The following PCBP3 variants were observed in gnomAD, a reference collection of about 807,000 sequenced individuals.
The protein encoded by PCBP3 is poly(rC)-binding protein 3.
PCBP3 carries 25 observed loss-of-function variants against 52.7 expected under a neutral mutation model. That is an observed-to-expected ratio of 0.47 (90% CI 0.35 to 0.66). The LOEUF (loss-of-function observed/expected upper bound fraction) is 0.66, where lower values mean the gene tolerates loss of function less well. PCBP3 is among the 30% of genes least tolerant of loss of function. The probability of loss-of-function intolerance (pLI) is 0.01; values close to 1 mark genes in which losing one functional copy is unlikely to be tolerated. For synonymous variants in PCBP3, 162 were observed against 183.0 expected, an observed-to-expected ratio of 0.89 and a Z score of 0.93; for missense variants, 391 against 490.3, an observed-to-expected ratio of 0.80 and a Z score of 1.91.
intron 5 of PCBP3, among the ~76,000 whole-genome samples, chr21:45,891,102 C>T (rs1351560921): frequency 6.6e-6 from 1 of 151,858 alleles, no homozygotes; most frequent in Admixed American, 6.5e-5. Flanking sequence ...ACTTTGTTTA[C>T]TGCTGAAGGG....
Position 45,735,274 on chromosome 21 carries a change from A to G in PCBP3, c.-199-118A>G, listed in dbSNP as rs2085779229. On this transcript the variant is annotated intron_variant, in intron 2 of 17. Transcript: ENST00000681687. The surrounding 1 kb of genome is among the most constrained non-coding windows in gnomAD (Gnocchi z 4.0). The stretch of plus-strand genomic sequence containing the variant: ...ACTGATTTATAAACATGTCTTTTTA[A>G]TAGATGACTTTGGTTTGATAAAATT... 1 of 152,194 alleles carries G rather than the reference A, an allele frequency of 6.6e-6. No homozygotes were observed. The highest frequency in any genetic ancestry group is 1.5e-5 in the Non-Finnish European group (1 of 68,026). The allele number at this position is 152,194 out of a possible 1,614,324, so 9.4% of individuals were successfully genotyped here.
Position 45,929,372 on chromosome 21 carries a change from T to C in PCBP3, c.718-545T>C, listed in dbSNP as rs77916201. Among the ~76,000 whole-genome samples, 453 of 152,058 alleles carry C rather than the reference T, an allele frequency of 3.0e-3. 2 individuals are homozygous for C. The highest frequency in any genetic ancestry group is 0.01 in the African/African-American group (435 of 41,482). On this transcript the variant is annotated intron_variant, in intron 13 of 17. Coordinates refer to ENST00000681687, the MANE Select transcript of PCBP3 (RefSeq NM_001384156.1). ...GGCAGATGTGTGGCCCCTCAGGTGT[T>C]CCCCCCACCCCAGGTCACCTCATGG...
chr21:45,713,066 A>C (rs528499642), intron 2 of PCBP3, among the ~76,000 whole-genome samples: 1 of 152,126 alleles, frequency 6.6e-6, no homozygotes, highest in South Asian at 2.1e-4. Context: ...TGAACTATTA[A>C]TGCCTTTGCA....
In PCBP3 at chr21:45,819,105, C is replaced by T. The variant is rs560271437; in HGVS notation, c.-125-30856C>T. On this transcript the variant is annotated intron_variant, in intron 4 of 17. Transcript: ENST00000681687. ...TGGATGCGTGTCATTACACATTTGC[C>T]CAAACCACAGAGTACAGCACCGAGC... Among the ~76,000 whole-genome samples the T allele has an allele frequency of 3.3e-5, 5 of 152,250 alleles. No homozygotes were observed. In the South Asian group the frequency reaches 1.0e-3, roughly 32 times the overall value.
At chr21:45,690,177 C>G (rs1215204547) in intron 2 of PCBP3, among the ~76,000 whole-genome samples, 1 of 152,058 alleles carries the variant, frequency 6.6e-6, no homozygotes, top group Non-Finnish European at 1.5e-5. Context: ...AAAATAGACC[C>G]AAGCTTGTAT....
intron 2 of PCBP3, among the ~76,000 whole-genome samples, chr21:45,682,383 A>G (rs2081907827): frequency 6.6e-6 from 1 of 152,204 alleles, no homozygotes; most frequent in African/African-American, 2.4e-5. Flanking sequence ...AGGAATACAG[A>G]AAGCACATCT....
chr21:45,677,655 A>G (rs1011719702), intron 2 of PCBP3, among the ~76,000 whole-genome samples: 3 of 152,214 alleles, frequency 2.0e-5, no homozygotes, highest in Non-Finnish European at 2.9e-5. Flanking sequence ...CAAAGCTTTA[A>G]AGGACAGGCC....
chr21:45,802,393 G>T lies in PCBP3; in HGVS notation c.-126+46941G>T, dbSNP rs76664828. Among the ~76,000 whole-genome samples, 1,846 of 152,260 alleles carry T rather than the reference G, an allele frequency of 0.012. 57 individuals are homozygous for T. Among genetic ancestry groups the T allele is most frequent in the African/African-American group, 0.042 (1,730 of 41,546 alleles). On this transcript the variant is annotated intron_variant, in intron 4 of 17. Transcript: ENST00000681687. This position sits in a 1 kb window ranked among gnomAD's most constrained non-coding sequence, Gnocchi z 5.1. ...CTGATGGCATCACCTCCCTTCACTCGCCTCTTCTTAGCTTGTTCATTAAAA... is the reference window on the plus strand; with the variant it reads ...CTGATGGCATCACCTCCCTTCACTCTCCTCTTCTTAGCTTGTTCATTAAAA...
At chr21:45,756,886 T>A (rs2088103105) in intron 4 of PCBP3, among the ~76,000 whole-genome samples, 1 of 152,252 alleles carries the variant, frequency 6.6e-6, no homozygotes, top group African/African-American at 2.4e-5. Context: ...GGACCACATT[T>A]TGTTTATCCA....
rs775200240 is a variant in PCBP3, at chr21:45,929,947, C to G, written c.748C>G (p.Gln250Glu). 6.2e-7 allele frequency: 1 copy of G among 1,613,918 alleles called. No individual in the cohort carries two copies. Among genetic ancestry groups the G allele is most frequent in the South Asian group, 1.1e-5 (1 of 91,066 alleles). The part of the protein sequence containing the change: ...QLTKLHQLAM[Q>E]QTPFPPLGQT... ...GACCAAGCTCCACCAGTTGGCCATG[C>G]AGCAAACCCCCTTTCCTCCCCTCGG... is the stretch of plus-strand genomic sequence containing the variant. Residue 250 changes from glutamine (Q) to glutamate (E), a missense_variant, in exon 14 of 18, where the codon CAG becomes GAG. Physicochemically the swap from Gln to Glu is conservative, Grantham distance 29 (BLOSUM62 2). Transcript: ENST00000681687.
rs553456503 is a variant in PCBP3 at position 45,694,797 on chromosome 21, AAAATT to A, written c.-200+25849_-200+25853del. Among the ~76,000 whole-genome samples the A allele has an allele frequency of 2.8e-4, 43 of 152,350 alleles. No individual in the cohort carries two copies. The South Asian group carries it at 4.3e-3, about 15-fold the overall frequency. ...TAAAGACAACAGAATATCATTGAGA[AAAATT>A]AAAGAATGCTTAAGTGGAGGAATAA... On this transcript the variant is annotated intron_variant, in intron 2 of 17. Coordinates refer to ENST00000681687, the MANE Select transcript of PCBP3 (RefSeq NM_001384156.1).
chr21:45,663,951 G>T (rs2080592723), intron 1 of PCBP3, among the ~76,000 whole-genome samples: 1 of 151,262 alleles, frequency 6.6e-6, no homozygotes, highest in Non-Finnish European at 1.5e-5. Context: ...GGATTGCTTT[G>T]GGCAGTATGT....
chr21:45,793,887 A>C (rs754559159), intron 4 of PCBP3, among the ~76,000 whole-genome samples: 1 of 152,196 alleles, frequency 6.6e-6, no homozygotes, highest in East Asian at 1.9e-4. Context: ...AAGGACTCAG[A>C]GGTTACCAGC....
At chr21:45,907,034 C>T (rs1212574927) in intron 9 of PCBP3, among the ~76,000 whole-genome samples, 2 of 152,236 alleles carry the variant, frequency 1.3e-5, no homozygotes, top group Non-Finnish European at 1.5e-5. Flanking sequence ...TGTTAGTCAC[C>T]CTGAGAGCTG....
intron 4 of PCBP3, among the ~76,000 whole-genome samples, chr21:45,764,247 C>T (rs937450875): frequency 7.2e-5 from 11 of 151,866 alleles, no homozygotes; most frequent in Non-Finnish European, 1.6e-4. Context: ...CTCAGCCTTC[C>T]GAGTAGCTGG....
chr21:45,773,100 T>C (rs1345231124), intron 4 of PCBP3, among the ~76,000 whole-genome samples: 1 of 152,196 alleles, frequency 6.6e-6, no homozygotes, highest in Non-Finnish European at 1.5e-5. Context: ...CATTTGTCTA[T>C]TTTTGTTTTT....
At chr21:45,844,453 C>G (rs1250137504) in intron 4 of PCBP3, among the ~76,000 whole-genome samples, 2 of 152,102 alleles carry the variant, frequency 1.3e-5, no homozygotes, top group African/African-American at 4.8e-5. Flanking sequence ...CTCCACCCTC[C>G]CTCCAGCATT....
intron 4 of PCBP3, among the ~76,000 whole-genome samples, chr21:45,778,881 C>G (rs1486422835): frequency 6.6e-6 from 1 of 152,136 alleles, no homozygotes; most frequent in East Asian, 1.9e-4. Context: ...AGAGTGGGAG[C>G]AGCTGCACTG....
intron 4 of PCBP3, among the ~76,000 whole-genome samples, chr21:45,771,718 C>T (rs550023539): frequency 3.5e-5 from 5 of 142,780 alleles, no homozygotes; most frequent in African/African-American, 1.0e-4. Flanking sequence ...GAAACCTGCT[C>T]TCATCTCTTC....
Sources: gnomAD v4.1 joint callset for allele counts (sites outside exome capture counted in the v4.1 genomes callset) on GRCh38, gnomAD v4.1.1 for gene constraint, Gnocchi (gnomAD v3.1) non-coding constraint, MANE v1.5 for transcripts, NCBI Gene and HGNC (gene_info 2026-07-23, HGNC 2026-07-21) for gene names.